GRIK2: variants seen among roughly 807,000 people sequenced by gnomAD.
GRIK2 encodes the protein glutamate receptor ionotropic, kainate 2.
A neutral mutation model predicts 100.3 loss-of-function variants in GRIK2; 32 were observed. The ratio of observed to expected loss-of-function variants is 0.32; its 90% CI spans 0.24 to 0.43. The LOEUF is 0.43. Ranked by LOEUF, GRIK2 falls within the 20% of genes least tolerant of loss-of-function variation. The probability of loss-of-function intolerance (pLI) is 1.00; values close to 1 mark genes in which losing one functional copy is unlikely to be tolerated. For missense variants in GRIK2, 843 were observed against 1,114.9 expected (o/e 0.76, Z 3.47); for synonymous variants, 417 against 389.4 (o/e 1.07, Z -0.83).
At chr6:101,918,634 GAAAT>G (rs1216456247) in intron 12 of GRIK2, among the ~76,000 whole-genome samples, 1 of 151,634 alleles carries the variant, frequency 6.6e-6, no homozygotes, top group Non-Finnish European at 1.5e-5. Flanking sequence ...CTCCTCTTTA[GAAAT>G]AAATATTCAG....
intron 14 of GRIK2, among the ~76,000 whole-genome samples, chr6:102,008,625 G>T (rs1231684338): frequency 6.6e-6 from 1 of 152,032 alleles, no homozygotes; most frequent in Non-Finnish European, 1.5e-5. Flanking sequence ...CTAACACTAA[G>T]TGAACAATTT....
At chr6:102,028,143 A>G (rs191533665) in intron 14 of GRIK2, among the ~76,000 whole-genome samples, 157 of 151,316 alleles carry the variant, frequency 1.0e-3, no homozygotes, top group Admixed American at 3.1e-3. Flanking sequence ...TAAAATGTCT[A>G]TAAGTTTTAA....
intron 7 of GRIK2, among the ~76,000 whole-genome samples, chr6:101,761,173 C>G (rs1777636203): frequency 6.6e-6 from 1 of 152,122 alleles, no homozygotes; most frequent in South Asian, 2.1e-4. Context: ...TCAAGCATAC[C>G]TGTACACAGA....
intron 2 of GRIK2, among the ~76,000 whole-genome samples, chr6:101,537,963 C>T (rs1775797035): frequency 6.6e-6 from 1 of 151,732 alleles, no homozygotes; most frequent in Non-Finnish European, 1.5e-5. Flanking sequence ...ATGAACTATT[C>T]AGTTTCAGAA....
intron 14 of GRIK2, among the ~76,000 whole-genome samples, chr6:101,957,911 T>A (rs1021398275): frequency 2.6e-5 from 4 of 152,138 alleles, no homozygotes; most frequent in Admixed American, 2.0e-4. Flanking sequence ...ACCAGCACCA[T>A]GCTGTTTTAG....
chr6:102,012,935 T>A (rs1339722747), intron 14 of GRIK2, among the ~76,000 whole-genome samples: 1 of 152,194 alleles, frequency 6.6e-6, no homozygotes, highest in Non-Finnish European at 1.5e-5. Context: ...TGGTTCCATG[T>A]GAATTTTAAA....
chr6:102,040,151 AC>A (rs911339655), intron 15 of GRIK2, among the ~76,000 whole-genome samples: 1 of 151,532 alleles, frequency 6.6e-6, no homozygotes, highest in Admixed American at 6.6e-5. Context: ...TGAAATACAC[AC>A]TATACATGAA....
At chr6:101,532,535 G>GA (rs1242172206) in intron 2 of GRIK2, among the ~76,000 whole-genome samples, 1 of 45,514 alleles carries the variant, frequency 2.2e-5, no homozygotes, top group Non-Finnish European at 4.0e-5. Flanking sequence ...TGTCTGGGGA[G>GA]ACCTTTTTTT....
At chr6:101,774,521 A>C (rs1322809431) in intron 7 of GRIK2, among the ~76,000 whole-genome samples, 1 of 152,192 alleles carries the variant, frequency 6.6e-6, no homozygotes, top group African/African-American at 2.4e-5. Flanking sequence ...TCATCAATAC[A>C]ATGTGGTTCA....
intron 7 of GRIK2, among the ~76,000 whole-genome samples, chr6:101,760,589 T>A (rs1206316514): frequency 1.1e-5 from 1 of 90,696 alleles, no homozygotes; most frequent in Admixed American, 1.7e-4. Flanking sequence ...TATATATAAT[T>A]ATATATAATT....
intron 2 of GRIK2, among the ~76,000 whole-genome samples, chr6:101,518,668 G>A (rs920084164): frequency 5.3e-5 from 8 of 152,096 alleles, no homozygotes; most frequent in African/African-American, 1.7e-4. Context: ...TGAGAAACGT[G>A]GCCCACTATA....
intron 7 of GRIK2, among the ~76,000 whole-genome samples, chr6:101,762,949 T>A (rs551710241): frequency 6.6e-6 from 1 of 152,316 alleles, no homozygotes; most frequent in Admixed American, 6.5e-5. Flanking sequence ...ACTTAAGAGC[T>A]GGCTTTTGAT....
intron 2 of GRIK2, among the ~76,000 whole-genome samples, chr6:101,533,953 T>G (rs1159089588): frequency 1.3e-5 from 2 of 151,864 alleles, no homozygotes; most frequent in Non-Finnish European, 2.9e-5. Context: ...ATTTTGAGTA[T>G]CATACACCCT....
At chr6:101,439,058 T>G (rs1055446742) in intron 2 of GRIK2, among the ~76,000 whole-genome samples, 2 of 152,168 alleles carry the variant, frequency 1.3e-5, no homozygotes, top group African/African-American at 4.8e-5. Flanking sequence ...ATAGGCTACA[T>G]AGATATCTTA....
intron 7 of GRIK2, among the ~76,000 whole-genome samples, chr6:101,691,416 A>G (rs913763894): frequency 6.6e-6 from 1 of 151,144 alleles, no homozygotes; most frequent in African/African-American, 2.4e-5. Context: ...CTTGCGCCTC[A>G]GCCTCCGAGT....
chr6:101,705,741 A>G (rs1159104083), intron 7 of GRIK2, among the ~76,000 whole-genome samples: 1 of 151,894 alleles, frequency 6.6e-6, no homozygotes, highest in Non-Finnish European at 1.5e-5. Flanking sequence ...ATTGTCATCA[A>G]ATGACAAAGT....
chr6:101,941,910 G>A (rs528040603), intron 14 of GRIK2, among the ~76,000 whole-genome samples: 1 of 151,842 alleles, frequency 6.6e-6, no homozygotes, highest in South Asian at 2.1e-4. Context: ...AATACTTTGG[G>A]TACATTTTTT....
chr6:101,670,458 AC>A (rs1770349918), intron 4 of GRIK2, among the ~76,000 whole-genome samples: 1 of 152,130 alleles, frequency 6.6e-6, no homozygotes. Flanking sequence ...CATTTATTGT[AC>A]CTGATGGCTC....
chr6:101,531,102 G>T (rs1195351513), intron 2 of GRIK2, among the ~76,000 whole-genome samples: 2 of 151,956 alleles, frequency 1.3e-5, no homozygotes, highest in African/African-American at 2.4e-5. Flanking sequence ...TAAAGCTTCA[G>T]TTGGTTTTAG....
Sources: allele counts gnomAD v4.1 joint callset (sites outside exome capture counted in the v4.1 genomes callset), GRCh38; gene constraint gnomAD v4.1.1; transcripts MANE v1.5; gene names NCBI Gene and HGNC (gene_info 2026-07-23, HGNC 2026-07-21).